The following SEMA5B variants were observed in gnomAD, a reference collection of about 807,000 sequenced individuals.
The protein encoded by SEMA5B is semaphorin 5B, also known as semaphorin-5B.
A neutral mutation model predicts 135.0 loss-of-function variants in SEMA5B; 66 were observed. That is an observed-to-expected ratio of 0.49 (90% CI 0.40 to 0.60). The LOEUF (loss-of-function observed/expected upper bound fraction) is 0.60, where lower values mean the gene tolerates loss of function less well. SEMA5B is among the 20% of genes least tolerant of loss of function. The pLI is 0.00. For missense variants in SEMA5B, 1,501 were observed against 1,566.3 expected, an observed-to-expected ratio of 0.96 and a Z score of 0.70; for synonymous variants, 690 against 639.5, an observed-to-expected ratio of 1.08 and a Z score of -1.19.
Position 123,023,294 on chromosome 3 carries a change from A to C in SEMA5B, c.-39+4170T>G, listed in dbSNP as rs559566201. 2.0e-5 allele frequency among the ~76,000 whole-genome samples: 3 copies of C among 151,736 alleles called. No individual in the cohort carries two copies. In the South Asian group the frequency reaches 6.2e-4, roughly 32 times the overall value. Reference sequence around the variant, plus strand: ...ATGGAAAGATCTGAATGTAAAGAAAACTCATTCATTAGAAGTAACTATTTC... The same window carrying C: ...ATGGAAAGATCTGAATGTAAAGAAACCTCATTCATTAGAAGTAACTATTTC... On this transcript the variant is annotated intron_variant, in intron 1 of 22. Transcript: ENST00000357599.
intron 2 of SEMA5B, among the ~76,000 whole-genome samples, chr3:122,954,448 C>T (rs1576363100): frequency 6.6e-6 from 1 of 152,256 alleles, no homozygotes; most frequent in Admixed American, 6.5e-5. Flanking sequence ...GAGTTGCCAA[C>T]AGGCATTGCC....
chr3:122,932,977 C>T (rs962807646), intron 5 of SEMA5B, among the ~76,000 whole-genome samples: 1 of 152,174 alleles, frequency 6.6e-6, no homozygotes, highest in Non-Finnish European at 1.5e-5. Context: ...CCCTCGGCCT[C>T]CCAAAGTGCT....
chr3:122,926,844 A>G (rs1938661668), intron 8 of SEMA5B, among the ~76,000 whole-genome samples, 167 bp from the exon 9 acceptor site: 1 of 152,096 alleles, frequency 6.6e-6, no homozygotes, highest in Non-Finnish European at 1.5e-5. Flanking sequence ...CCCACTTCCA[A>G]TACCAAGGGC....
intron 1 of SEMA5B, among the ~76,000 whole-genome samples, chr3:122,979,198 G>A (rs1017671352): frequency 9.9e-5 from 15 of 152,166 alleles, no homozygotes; most frequent in African/African-American, 3.4e-4. Flanking sequence ...AGACACCTTC[G>A]CTCTCAGGAC....
chr3:122,928,132 A>C, intron 7 of SEMA5B, 129 bp from the exon 8 acceptor site: 2 of 614,080 alleles, frequency 3.3e-6, no homozygotes, highest in Non-Finnish European at 5.3e-6. Context: ...GCGTCATCTC[A>C]CTGCTCAGCT....
At chr3:122,974,479 G>A (rs1053829151) in intron 1 of SEMA5B, among the ~76,000 whole-genome samples, 3 of 152,268 alleles carry the variant, frequency 2.0e-5, no homozygotes, top group Admixed American at 6.5e-5. Context: ...TGCTGCCCCA[G>A]CCCTGAGCAC....
intron 1 of SEMA5B, among the ~76,000 whole-genome samples, chr3:122,976,315 T>C (rs1941318699): frequency 6.6e-6 from 1 of 151,970 alleles, no homozygotes; most frequent in Admixed American, 6.6e-5. Context: ...GTAATCTGTG[T>C]TTTAACCAGC....
At chr3:123,025,595 A>G (rs750088526) in intron 1 of SEMA5B, among the ~76,000 whole-genome samples, 1 of 152,170 alleles carries the variant, frequency 6.6e-6, no homozygotes, top group Non-Finnish European at 1.5e-5. Context: ...AAGAAAAGGG[A>G]TGGAAGATCT....
intron 1 of SEMA5B, among the ~76,000 whole-genome samples, chr3:123,008,297 GT>G (rs1039840384): frequency 6.6e-6 from 1 of 152,168 alleles, no homozygotes; most frequent in African/African-American, 2.4e-5. Flanking sequence ...ATCGAACACT[GT>G]TTTTTCTATC....
intron 13 of SEMA5B, 50 bp downstream of exon 13, chr3:122,915,723 C>G (rs765917676): frequency 2.5e-6 from 4 of 1,606,252 alleles, no homozygotes; most frequent in Non-Finnish European, 2.6e-6. Context: ...GGAGTCATAG[C>G]CTGAATTGAA....
chr3:122,995,235 C>T (rs1280621235), intron 1 of SEMA5B, among the ~76,000 whole-genome samples: 2 of 152,150 alleles, frequency 1.3e-5, no homozygotes, highest in African/African-American at 4.8e-5. Context: ...CTGGGGTTTT[C>T]TGGAACAGAA....
intron 5 of SEMA5B, 38 bp from the exon 6 acceptor site, chr3:122,929,096 G>T: frequency 6.3e-7 from 1 of 1,574,816 alleles, no homozygotes; most frequent in Non-Finnish European, 8.7e-7. Flanking sequence ...ACATCACATG[G>T]CTGTGTCATT....
In SEMA5B at chr3:122,962,623, TTAAG is replaced by T. The variant is rs774888856; in HGVS notation, c.-38-1326_-38-1323del. Among the ~76,000 whole-genome samples, 353 of 152,314 alleles carry T rather than the reference TTAAG, an allele frequency of 2.3e-3. 2 individuals are homozygous for T. Among genetic ancestry groups the T allele is most frequent in the Non-Finnish European group, 2.9e-3 (195 of 68,032 alleles). On this transcript the variant is annotated intron_variant, in intron 1 of 22. Transcript: ENST00000357599. ...CCAAAAGGATTTTCCAAAGTGTTCT[TTAAG>T]TAATGAGTTCCACTGTGTTCCTAAA...
rs764777493 is a variant in SEMA5B, at chr3:122,928,009, G to T, written c.637-6C>A. 14 of 1,461,300 alleles carry T rather than the reference G, an allele frequency of 9.6e-6. No homozygotes were observed. Among genetic ancestry groups the T allele is most frequent in the Non-Finnish European group, 1.2e-5 (13 of 1,102,498 alleles). The allele number at this position is 1,461,300 out of a possible 1,614,324, so 90.5% of individuals were successfully genotyped here. Reference sequence around the variant, plus strand: ...GTCCGGCTGAGGTTCCCCACCTGGGGACAATGGGGAGAAGGGGACACTTTT... The same window carrying T: ...GTCCGGCTGAGGTTCCCCACCTGGGTACAATGGGGAGAAGGGGACACTTTT... On this transcript the variant is annotated splice_polypyrimidine_tract_variant and splice_region_variant and intron_variant, in intron 7 of 22. Transcript: ENST00000357599.
chr3:123,001,678 T>C (rs1200742630), intron 1 of SEMA5B, among the ~76,000 whole-genome samples: 1 of 152,194 alleles, frequency 6.6e-6, no homozygotes, highest in Non-Finnish European at 1.5e-5. Flanking sequence ...TTCATACCCA[T>C]TCATGCCCTT....
rs1940351332 is a variant in SEMA5B, at chr3:122,956,995, G to A, written c.124+4145C>T. Among the ~76,000 whole-genome samples, 4 of 152,210 alleles carry A rather than the reference G, an allele frequency of 2.6e-5. No homozygotes were observed. The South Asian group carries it at 8.3e-4, about 32-fold the overall frequency. ...AGCATTCCAGACAGAGGGCACAGCA[G>A]GGGAAAGACTTGGCTCTGGCCTATC... is the stretch of plus-strand genomic sequence containing the variant. On this transcript the variant is annotated intron_variant, in intron 2 of 22. Transcript: ENST00000357599.
intron 20 of SEMA5B, 80 bp downstream of exon 20, chr3:122,911,840 A>G: frequency 6.8e-7 from 1 of 1,470,834 alleles, no homozygotes; most frequent in South Asian, 1.4e-5. Flanking sequence ...CCCCACCAGG[A>G]CACAAGCTTC....
In SEMA5B at chr3:122,909,899, G is replaced by C. The variant is rs1937609574; in HGVS notation, c.*244C>G. 2.1e-6 allele frequency: 1 copy of C among 486,918 alleles called. No individual in the cohort carries two copies. Among genetic ancestry groups the C allele is most frequent in the African/African-American group, 1.9e-5 (1 of 51,300 alleles). The allele number at this position is 486,918 out of a possible 1,614,324, so 30.2% of individuals were successfully genotyped here. ...ATAGTGTCAGCGTGACAGTGGGTTG[G>C]AAGATAACCATGAGAGACCTGGGCT... On this transcript the variant is annotated 3_prime_UTR_variant, in exon 23 of 23. Transcript: ENST00000357599.
intron 2 of SEMA5B, among the ~76,000 whole-genome samples, chr3:122,956,088 C>T (rs1940284197): frequency 6.6e-6 from 1 of 152,260 alleles, no homozygotes; most frequent in Non-Finnish European, 1.5e-5. Context: ...CCTTGCCCTG[C>T]CTCGGGCCTG....
Sources: gnomAD v4.1 joint callset for allele counts (sites outside exome capture counted in the v4.1 genomes callset) on GRCh38, gnomAD v4.1.1 for gene constraint, MANE v1.5 for transcripts, NCBI Gene and HGNC (gene_info 2026-07-23, HGNC 2026-07-21) for gene names.